Variants in SMOC2 observed in about 807,000 individuals in gnomAD.
SMOC2 encodes SPARC related modular calcium binding 2, also known as SPARC-related modular calcium-binding protein 2.
In SMOC2, 39 loss-of-function variants were observed where a neutral mutation model predicts 61.4. The observed-to-expected ratio is 0.64, with a 90% confidence interval of 0.49 to 0.83. The LOEUF (loss-of-function observed/expected upper bound fraction) is 0.83, where lower values mean the gene tolerates loss of function less well. Ranked by LOEUF, SMOC2 falls within the 40% of genes least tolerant of loss-of-function variation. The pLI is 0.00. For synonymous variants in SMOC2, 247 were observed against 239.9 expected (o/e 1.03, Z -0.27); for missense variants, 556 against 592.9 (o/e 0.94, Z 0.65).
At chr6:168,660,478 G>C (rs889615588) in intron 11 of SMOC2, among the ~76,000 whole-genome samples, 1 of 152,222 alleles carries the variant, frequency 6.6e-6, no homozygotes, top group African/African-American at 2.4e-5. Context: ...AGACTGAAAT[G>C]AAGGTAACTT....
chr6:168,655,414 G>T (rs935120143), intron 11 of SMOC2: 6 of 456,518 alleles, frequency 1.3e-5, no homozygotes, highest in Non-Finnish European at 2.2e-5. Context: ...AGAAACCTGT[G>T]ATGGCCAGAG....
At chr6:168,659,642 T>C (rs78612886) in intron 11 of SMOC2, among the ~76,000 whole-genome samples, 93 of 25,466 alleles carry the variant, frequency 3.7e-3, no homozygotes, top group African/African-American at 9.0e-3. Context: ...AGGTTGTAGG[T>C]TGGGTGAGGG....
At position 168,533,194 on chromosome 6, in the gene SMOC2, C is replaced by T. The variant is rs116803369; in HGVS notation, c.463+5467C>T. On this transcript the variant is annotated intron_variant, in intron 4 of 12. Coordinates refer to ENST00000356284, the MANE Select transcript of SMOC2 (RefSeq NM_001166412.2). ...TCTCTGTGGTCTGAACATGACTATG[C>T]GTCCATCTTCACTGTGGATGCTCAT... Among the ~76,000 whole-genome samples the T allele has an allele frequency of 8.1e-3, 1,227 of 152,222 alleles. 21 individuals carry two copies. The highest frequency in any genetic ancestry group is 0.028 in the African/African-American group (1,155 of 41,548).
At chr6:168,559,546 C>T (rs1262390739) in intron 7 of SMOC2, among the ~76,000 whole-genome samples, 1 of 152,126 alleles carries the variant, frequency 6.6e-6, no homozygotes, top group Non-Finnish European at 1.5e-5. Context: ...TTTCCATGGT[C>T]TTCCCATCAG....
chr6:168,595,552 A>G (rs536411752), intron 7 of SMOC2, among the ~76,000 whole-genome samples: 127 of 152,282 alleles, frequency 8.3e-4, no homozygotes, highest in Middle Eastern at 3.4e-3. Context: ...TTCTCTTCCC[A>G]GGGGCCGTCA....
intron 12 of SMOC2, chr6:168,664,384 C>CTTTTTTTTTTTTTTTTTTTTTTTT (rs750178882): frequency 7.1e-6 from 2 of 283,078 alleles, no homozygotes; most frequent in African/African-American, 7.9e-5. Context: ...TTTGGTAGAT[C>CTTTTTTTTTTTTTTTTTTTTTTTT]TTTTTTTTTT....
At chr6:168,517,009 A>G (rs1247274126) in intron 2 of SMOC2, among the ~76,000 whole-genome samples, 4 of 152,174 alleles carry the variant, frequency 2.6e-5, no homozygotes, top group Non-Finnish European at 5.9e-5. Flanking sequence ...CCGTTGGTGA[A>G]CCCCTGGAGT....
At chr6:168,583,756 T>G (rs890239146) in intron 7 of SMOC2, among the ~76,000 whole-genome samples, 3 of 152,146 alleles carry the variant, frequency 2.0e-5, no homozygotes, top group Non-Finnish European at 2.9e-5. Context: ...GCACCCAGCC[T>G]CTATGGGAGC....
intron 2 of SMOC2, among the ~76,000 whole-genome samples, chr6:168,522,402 T>C (rs1783349527): frequency 6.6e-6 from 1 of 152,256 alleles, no homozygotes; most frequent in African/African-American, 2.4e-5. Context: ...TACATCTGCA[T>C]GTCTATAACA....
chr6:168,483,569 A>G (rs1425246264), intron 1 of SMOC2, among the ~76,000 whole-genome samples: 1 of 152,152 alleles, frequency 6.6e-6, no homozygotes, highest in African/African-American at 2.4e-5. Flanking sequence ...TCAAAATTCC[A>G]AAAACATTTT....
At chr6:168,557,245 A>G (rs916172077) in intron 7 of SMOC2, among the ~76,000 whole-genome samples, 9 of 152,206 alleles carry the variant, frequency 5.9e-5, no homozygotes, top group African/African-American at 2.2e-4. Context: ...ATTTTTGGTC[A>G]TTTGAAGAGA....
At chr6:168,582,840 G>C (rs1360283680) in intron 7 of SMOC2, among the ~76,000 whole-genome samples, 1 of 152,196 alleles carries the variant, frequency 6.6e-6, no homozygotes. Context: ...AGACCCGGGG[G>C]CCGAGGGTCT....
At chr6:168,486,000 A>G (rs1186365791) in intron 1 of SMOC2, among the ~76,000 whole-genome samples, 3 of 152,228 alleles carry the variant, frequency 2.0e-5, no homozygotes, top group Non-Finnish European at 2.9e-5. Flanking sequence ...AATAGGGGCA[A>G]GGGTTATGCA....
chr6:168,495,612 C>T (rs1782569299), intron 1 of SMOC2, among the ~76,000 whole-genome samples: 1 of 152,144 alleles, frequency 6.6e-6, no homozygotes, highest in Admixed American at 6.5e-5. Context: ...AAAGAAAGCC[C>T]AGGTGACTCC....
At chr6:168,595,313 A>G (rs1785297360) in intron 7 of SMOC2, among the ~76,000 whole-genome samples, 1 of 152,124 alleles carries the variant, frequency 6.6e-6, no homozygotes, top group African/African-American at 2.4e-5. Flanking sequence ...TCACGGCCCC[A>G]TGCGCCTCCC....
chr6:168,539,805 C>T (rs1783836137), intron 4 of SMOC2, among the ~76,000 whole-genome samples: 1 of 152,212 alleles, frequency 6.6e-6, no homozygotes. Context: ...CATGCCTACT[C>T]ACCCCTTTAC....
At position 168,655,661 on chromosome 6, in the gene SMOC2, G is replaced by A. The variant is rs989251719; in HGVS notation, c.1285+2433G>A. Among the ~76,000 whole-genome samples, 8 of 149,770 alleles carry A rather than the reference G, an allele frequency of 5.3e-5. No homozygotes were observed. In the South Asian group the frequency reaches 1.1e-3, roughly 20 times the overall value. On this transcript the variant is annotated intron_variant, in intron 11 of 12. Transcript: ENST00000356284. Reference sequence around the variant, plus strand: ...ACGTGTGTGCTAGATCCCCCTGCACGTGTGTACTAGATTTCCCTCACACAT... The same window carrying A: ...ACGTGTGTGCTAGATCCCCCTGCACATGTGTACTAGATTTCCCTCACACAT...
rs1178166730 is a variant in SMOC2, at chr6:168,619,918, C to T, written c.907+11679C>T. On this transcript the variant is annotated intron_variant, in intron 9 of 12. Coordinates refer to ENST00000356284, the MANE Select transcript of SMOC2 (RefSeq NM_001166412.2). ...TGTGTCTTGTGGCCCTTTTACTCTA[C>T]GTACCAGTCATGGTCACTGTGCTCC... Among the ~76,000 whole-genome samples, 14 of 152,346 alleles carry T rather than the reference C, an allele frequency of 9.2e-5. 1 individual carries two copies. The highest frequency in any genetic ancestry group is 6.2e-4 in the South Asian group (3 of 4,834).
chr6:168,539,444 C>T (rs1351427406), intron 4 of SMOC2, among the ~76,000 whole-genome samples: 1 of 152,210 alleles, frequency 6.6e-6, no homozygotes, highest in African/African-American at 2.4e-5. Context: ...CTTCTCACCA[C>T]CCCTTGGTCC....
Sources: gnomAD v4.1 joint callset for allele counts (sites outside exome capture counted in the v4.1 genomes callset) on GRCh38, gnomAD v4.1.1 for gene constraint, MANE v1.5 for transcripts, NCBI Gene and HGNC (gene_info 2026-07-23, HGNC 2026-07-21) for gene names.